The following BAIAP2L1 variants were observed in gnomAD, a reference collection of about 807,000 sequenced individuals.
BAIAP2L1 encodes the protein BAR/IMD domain-containing adapter protein 2-like 1.
BAIAP2L1 carries 35 observed loss-of-function variants against 66.3 expected under a neutral mutation model. The observed-to-expected ratio is 0.53, with a 90% confidence interval of 0.40 to 0.70. The LOEUF (loss-of-function observed/expected upper bound fraction) is 0.70. BAIAP2L1 is among the 30% of genes least tolerant of loss of function. The pLI, the probability that BAIAP2L1 is intolerant of heterozygous loss-of-function variation, is 0.00. For synonymous variants in BAIAP2L1, 269 were observed against 248.7 expected (o/e 1.08, Z -0.77); for missense variants, 622 against 656.9 (o/e 0.95, Z 0.58).
intron 7 of BAIAP2L1, among the ~76,000 whole-genome samples, chr7:98,314,909 G>C (rs2116886506): frequency 6.6e-6 from 1 of 152,270 alleles, no homozygotes; most frequent in Non-Finnish European, 1.5e-5. Context: ...CAATGATGAA[G>C]CATTATTTTA....
intron 2 of BAIAP2L1, among the ~76,000 whole-genome samples, chr7:98,359,758 T>TTTG (rs1006106604): frequency 6.7e-6 from 1 of 149,464 alleles, no homozygotes; most frequent in African/African-American, 2.5e-5. Context: ...TTTTTTTTTT[T>TTTG]TTTTTTTTTT....
chr7:98,384,794 G>A lies in BAIAP2L1; in HGVS notation c.51+16008C>T, dbSNP rs144451397. On this transcript the variant is annotated intron_variant, in intron 1 of 13. Transcript: ENST00000005260. ...GCTCACTGCAACCTCGGCCTCCCAG[G>A]TTCAAGCGATTCTCCTGCCTCAGCC... 6.8e-3 allele frequency among the ~76,000 whole-genome samples: 1,031 copies of A among 150,670 alleles called. 16 individuals carry two copies. The highest frequency in any genetic ancestry group is 0.024 in the African/African-American group (963 of 40,834).
intron 1 of BAIAP2L1, among the ~76,000 whole-genome samples, chr7:98,376,853 A>G (rs1802645765): frequency 6.6e-6 from 1 of 151,986 alleles, no homozygotes. Context: ...AAACCAACCC[A>G]CTAATCTAAC....
rs991891226 is a variant in BAIAP2L1, at chr7:98,315,659, T to A, written c.487-47A>T. The A allele has an allele frequency of 1.3e-5, 13 of 1,003,052 alleles. No individual in the cohort carries two copies. In the African/African-American group the frequency reaches 2.2e-4, roughly 17 times the overall value. The allele number at this position is 1,003,052 out of a possible 1,614,324, so 62.1% of individuals were successfully genotyped here. On this transcript the variant is annotated intron_variant, in intron 6 of 13. Transcript: ENST00000005260. ...TAATAATAATTATATAAGCATGACA[T>A]GAGCATCAGATAGCGTGCAGCCTGA...
intron 1 of BAIAP2L1, among the ~76,000 whole-genome samples, chr7:98,363,639 G>A (rs891919176): frequency 4.6e-5 from 7 of 152,096 alleles, no homozygotes; most frequent in Non-Finnish European, 1.0e-4. Flanking sequence ...CAGACTTCAC[G>A]ACTCACAACA....
chr7:98,359,201 C>A (rs1435635748), intron 2 of BAIAP2L1, among the ~76,000 whole-genome samples: 1 of 152,092 alleles, frequency 6.6e-6, no homozygotes, highest in African/African-American at 2.4e-5. Flanking sequence ...GTGATCTGAC[C>A]CTATCCCGCC....
intron 10 of BAIAP2L1, chr7:98,306,783 C>T (rs1395665357): frequency 2.2e-6 from 1 of 453,412 alleles, no homozygotes; most frequent in East Asian, 4.7e-5. Flanking sequence ...TCATAGCTCA[C>T]AGCAGCCTCG....
At chr7:98,384,693 CTTTTTTTTTT>C (rs11413562) in intron 1 of BAIAP2L1, among the ~76,000 whole-genome samples, 4 of 118,798 alleles carry the variant, frequency 3.4e-5, no homozygotes, top group East Asian at 2.8e-4. Flanking sequence ...ATCATTCTAC[CTTTTTTTTTT>C]TTTTTTTTTT....
chr7:98,400,949 G>A lies in BAIAP2L1; in HGVS notation c.-97C>T, dbSNP rs561497969. ...GGGAGGGCCGGGGCGCGACTAAGGG[G>A]CTCTGGAGGGTCGGCCGCCGCCGCA... is the stretch of plus-strand genomic sequence containing the variant. On this transcript the variant is annotated 5_prime_UTR_variant, in exon 1 of 14. Transcript: ENST00000005260. The A allele has an allele frequency of 8.7e-7, 1 of 1,152,208 alleles. No homozygotes were observed. Among genetic ancestry groups the A allele is most frequent in the Admixed American group, 4.3e-5 (1 of 23,454 alleles). 71.4% of individuals were successfully genotyped at this position (1,152,208 alleles called of 1,614,324 possible). A position where few individuals can be genotyped will look rare whatever the true frequency, so the allele number is the denominator to read the frequency against.
At chr7:98,307,632 G>A in intron 10 of BAIAP2L1, 57 bp downstream of exon 10, 1 of 1,600,560 alleles carries the variant, frequency 6.2e-7, no homozygotes. Context: ...CAGCTTGGCT[G>A]CTCTGGAAGG....
intron 3 of BAIAP2L1, among the ~76,000 whole-genome samples, chr7:98,332,809 C>CCAAA (rs563501880): frequency 1.2e-4 from 10 of 83,678 alleles, no homozygotes; most frequent in Admixed American, 3.1e-4. Flanking sequence ...ACTTCGTCCC[C>CCAAA]AAAAAAAAAA....
At position 98,367,464 on chromosome 7, in the gene BAIAP2L1, C is replaced by T. The variant is rs375503324; in HGVS notation, c.52-5032G>A. 5.5e-3 allele frequency among the ~76,000 whole-genome samples: 823 copies of T among 150,966 alleles called. 4 individuals are homozygous for T. Among genetic ancestry groups the T allele is most frequent in the African/African-American group, 0.018 (736 of 41,128 alleles). The stretch of plus-strand genomic sequence containing the variant: ...CAGCTCACTGCAACCTCTGCCTCCC[C>T]GGTTCAAGCAATTCTCCTGCCTCAG... On this transcript the variant is annotated intron_variant, in intron 1 of 13. Transcript: ENST00000005260.
At chr7:98,353,633 A>G (rs1025044389) in intron 3 of BAIAP2L1, among the ~76,000 whole-genome samples, 1 of 139,046 alleles carries the variant, frequency 7.2e-6, no homozygotes, top group African/African-American at 2.7e-5. Flanking sequence ...ACATATATTT[A>G]TATATGTATA....
At chr7:98,318,157 T>TG (rs915459380) in intron 5 of BAIAP2L1, among the ~76,000 whole-genome samples, 3 of 152,230 alleles carry the variant, frequency 2.0e-5, no homozygotes, top group Non-Finnish European at 4.4e-5. Context: ...TTTAATGTCT[T>TG]GGCTTTGTTC....
chr7:98,351,705 C>A (rs938815264), intron 3 of BAIAP2L1, among the ~76,000 whole-genome samples: 8 of 152,142 alleles, frequency 5.3e-5, no homozygotes, highest in South Asian at 4.1e-4. Context: ...CCTGCTGCTC[C>A]TCATGTGGAA....
intron 6 of BAIAP2L1, 23 bp from the exon 7 acceptor site, chr7:98,315,635 A>AATAATT: frequency 9.1e-7 from 1 of 1,097,260 alleles, no homozygotes; most frequent in Non-Finnish European, 1.2e-6. Flanking sequence ...AAATAATAAT[A>AATAATT]ATAATAATTA....
intron 1 of BAIAP2L1, among the ~76,000 whole-genome samples, chr7:98,362,649 C>T (rs765643313): frequency 6.6e-6 from 1 of 152,144 alleles, no homozygotes; most frequent in Non-Finnish European, 1.5e-5. Flanking sequence ...TGGCAGTTCT[C>T]AGTTGCCCAA....
chr7:98,355,369 A>G lies in BAIAP2L1; in HGVS notation c.128-241T>C, dbSNP rs73709470. 4.4e-4 allele frequency: 231 copies of G among 520,998 alleles called. 1 individual carries two copies. Among genetic ancestry groups the G allele is most frequent in the African/African-American group, 4.2e-3 (219 of 52,544 alleles). 32.3% of individuals were successfully genotyped at this position (520,998 alleles called of 1,614,324 possible). On this transcript the variant is annotated intron_variant, in intron 2 of 13. Transcript: ENST00000005260. ...CCAGCCCCGGGGAACCTTCAGCAGC[A>G]GGTGCTGAAAGTCCAGAGAAGGCTC...
chr7:98,397,356 G>A (rs868302704), intron 1 of BAIAP2L1, among the ~76,000 whole-genome samples: 4 of 119,352 alleles, frequency 3.4e-5, no homozygotes, highest in Non-Finnish European at 6.4e-5. Context: ...ATGGAGTCTC[G>A]CTCTGTCGCC....
Sources: gnomAD v4.1 joint callset for allele counts (sites outside exome capture counted in the v4.1 genomes callset) on GRCh38, gnomAD v4.1.1 for gene constraint, MANE v1.5 for transcripts, NCBI Gene and HGNC (gene_info 2026-07-23, HGNC 2026-07-21) for gene names.